EWSR1: variants seen among roughly 807,000 people sequenced by gnomAD.
The protein encoded by EWSR1 is EWS RNA binding protein 1.
EWSR1 carries 14 observed loss-of-function variants against 92.1 expected under a neutral mutation model. The observed-to-expected ratio is 0.15, with a 90% CI of 0.10 to 0.24. The LOEUF (loss-of-function observed/expected upper bound fraction) is 0.24. Among genes scored for constraint, EWSR1 ranks in the 10% least tolerant of loss-of-function variants. EWSR1 has a pLI of 1.00. For synonymous variants in EWSR1, 303 were observed against 292.9 expected (o/e 1.03, Z -0.35); for missense variants, 637 against 870.9 (o/e 0.73, Z 3.38).
At chr22:29,268,638 C>A (rs948573896) in intron 1 of EWSR1, among the ~76,000 whole-genome samples, 1 of 152,164 alleles carries the variant, frequency 6.6e-6, no homozygotes, top group African/African-American at 2.4e-5. Context: ...GCCCTGAGCT[C>A]CGGGCCTCCC....
chr22:29,272,241 A>C lies in EWSR1; in HGVS notation c.39A>C (p.Ala13=). The C allele has an allele frequency of 6.2e-7, 1 of 1,614,114 alleles. No individual in the cohort carries two copies. The highest frequency in any genetic ancestry group is 1.1e-5 in the South Asian group (1 of 91,086). Residue 13 remains alanine, a synonymous_variant, in exon 2 of 17, where the codon GCA becomes GCC. Transcript: ENST00000397938. ...STDYSTYSQA[A]AQQGYSAYTA... ...ATTACAGTACCTATAGCCAAGCTGC[A>C]GCGCAGCAGGGGTAAGTCAGTCTTT...
At chr22:29,285,048 A>G (rs1447276120) in intron 6 of EWSR1, among the ~76,000 whole-genome samples, 1 of 148,342 alleles carries the variant, frequency 6.7e-6, no homozygotes, top group East Asian at 2.0e-4. Flanking sequence ...CGAACCCCTG[A>G]CCTCAGGTGA....
At chr22:29,271,822 T>C (rs2058702905) in intron 1 of EWSR1, among the ~76,000 whole-genome samples, 3 of 152,232 alleles carry the variant, frequency 2.0e-5, no homozygotes, top group African/African-American at 4.8e-5. Context: ...CTTTGTATTA[T>C]TGTTGCATGC....
At chr22:29,295,142 T>G (rs2060752938) in intron 11 of EWSR1, among the ~76,000 whole-genome samples, 2 of 151,318 alleles carry the variant, frequency 1.3e-5, no homozygotes, top group Admixed American at 6.6e-5. Flanking sequence ...TTCAGCTCAC[T>G]GCAACCTCCG....
At position 29,278,113 on chromosome 22, in the gene EWSR1, A is replaced by T. The variant is rs1296818020; in HGVS notation, c.310A>T (p.Thr104Ser). The T allele has an allele frequency of 1.2e-6, 2 of 1,614,048 alleles. No individual in the cohort carries two copies. The highest frequency in any genetic ancestry group is 1.3e-5 in the African/African-American group (1 of 74,914). ...GTGAYDTTTA[T>S]VTTTQASYAA... ...TGGTGCTTATGATACCACCACTGCT[A>T]CAGTCACCACCACCCAGGCCTCCTA... The change falls in exon 5 of 17, where the codon ACA becomes TCA. Residue 104 changes from threonine (T) to serine (S), a missense_variant. Thr to Ser is a moderately conservative substitution (Grantham distance 58). Around this residue, in one of 5 missense-constraint regions of EWSR1, gnomAD observed 144 missense variants for 189.0 expected, o/e 0.76. Coordinates refer to ENST00000397938, the MANE Select transcript of EWSR1 (RefSeq NM_005243.4).
chr22:29,268,490 G>A, intron 1 of EWSR1, 141 bp downstream of exon 1: 2 of 1,493,004 alleles, frequency 1.3e-6, no homozygotes, highest in South Asian at 1.1e-5. Context: ...CGACGAGCTC[G>A]GGGATCCGCA....
At chr22:29,279,392 A>G (rs1210096096) in intron 5 of EWSR1, among the ~76,000 whole-genome samples, 1 of 152,238 alleles carries the variant, frequency 6.6e-6, no homozygotes, top group Non-Finnish European at 1.5e-5. Flanking sequence ...CGGCTTAAGC[A>G]ATTGACATGA....
At chr22:29,298,105 G>C (rs894422604) in intron 13 of EWSR1, among the ~76,000 whole-genome samples, 156 bp downstream of exon 13, 1 of 152,198 alleles carries the variant, frequency 6.6e-6, no homozygotes, top group African/African-American at 2.4e-5. Context: ...GGGAATAAAA[G>C]GAAGAGAAGA....
At chr22:29,285,958 C>G (rs2059991183) in intron 6 of EWSR1, among the ~76,000 whole-genome samples, 1 of 152,164 alleles carries the variant, frequency 6.6e-6, no homozygotes, top group Admixed American at 6.5e-5. Context: ...CTGCCTCAGC[C>G]TCCCCAGTAG....
At chr22:29,282,848 C>T (rs558097318) in intron 6 of EWSR1, among the ~76,000 whole-genome samples, 8 of 151,448 alleles carry the variant, frequency 5.3e-5, no homozygotes, top group African/African-American at 1.9e-4. Context: ...CTGCAAGCTC[C>T]ACCTCCTGGG....
At chr22:29,292,061 C>A in intron 9 of EWSR1, 76 bp from the exon 10 acceptor site, 1 of 1,250,132 alleles carries the variant, frequency 8.0e-7, no homozygotes, top group Non-Finnish European at 1.2e-6. Flanking sequence ...TAGTAGATAG[C>A]TATGTGTGTT....
rs530274391 is a variant in EWSR1, at chr22:29,298,158, G to A, written c.1417+209G>A. 6.3e-4 allele frequency among the ~76,000 whole-genome samples: 96 copies of A among 152,328 alleles called. 1 individual carries two copies. Among genetic ancestry groups the A allele is most frequent in the African/African-American group, 2.1e-3 (88 of 41,574 alleles). On this transcript the variant is annotated intron_variant, in intron 13 of 16. Coordinates refer to ENST00000397938, the MANE Select transcript of EWSR1 (RefSeq NM_005243.4). ...CCACTCTGCCTGTCAACTCCAGACT[G>A]CCATTTATTCAGCTTTGGTTGTGTC...
At chr22:29,291,433 AGAT>A in intron 8 of EWSR1, 126 bp from the exon 9 acceptor site, 1 of 824,728 alleles carries the variant, frequency 1.2e-6, no homozygotes, top group Non-Finnish European at 1.9e-6. Flanking sequence ...CATAGTGACA[AGAT>A]GAGAGAGATG....
rs1253588526 is a variant in EWSR1 at position 29,285,130 on chromosome 22, T to TTG, written c.582-1792_582-1791insGT. 2.7e-3 allele frequency among the ~76,000 whole-genome samples: 392 copies of TTG among 146,956 alleles called. 29 individuals carry two copies. Among genetic ancestry groups the TTG allele is most frequent in the African/African-American group, 9.8e-3 (374 of 38,066 alleles). On this transcript the variant is annotated intron_variant, in intron 6 of 16. Transcript: ENST00000397938. ...CACTGCTTCTGGCCCTTGTTTTTTTTTTTTTTTTTTTGAGATGGAGTTTTG... is the reference window on the plus strand; with the variant it reads ...CACTGCTTCTGGCCCTTGTTTTTTTTTGTTTTTTTTTTTGAGATGGAGTTTTG...
chr22:29,269,134 A>C (rs2058425264), intron 1 of EWSR1: 1 of 152,218 alleles, frequency 6.6e-6, no homozygotes, highest in Non-Finnish European at 1.5e-5. Flanking sequence ...TTGTATAATA[A>C]GGCCAGCCTG....
intron 1 of EWSR1, among the ~76,000 whole-genome samples, chr22:29,271,076 C>T (rs1330965021): frequency 6.6e-6 from 1 of 152,152 alleles, no homozygotes; most frequent in Non-Finnish European, 1.5e-5. Context: ...GTGAGGCTGG[C>T]TTTGGATTCC....
At chr22:29,272,887 A>G (rs2058796320) in intron 3 of EWSR1, among the ~76,000 whole-genome samples, 1 of 152,216 alleles carries the variant, frequency 6.6e-6, no homozygotes, top group Non-Finnish European at 1.5e-5. Context: ...AGCTCTTTCC[A>G]GTGAAGAGTC....
intron 8 of EWSR1, chr22:29,290,380 T>C (rs1030224199): frequency 2.5e-6 from 4 of 1,585,406 alleles, no homozygotes; most frequent in Admixed American, 3.7e-5. Context: ...GTGGAAACTT[T>C]TTAACATGCT....
At chr22:29,281,125 T>C (rs1293142448) in intron 5 of EWSR1, among the ~76,000 whole-genome samples, 1 of 151,990 alleles carries the variant, frequency 6.6e-6, no homozygotes, top group Admixed American at 6.6e-5. Context: ...GTGATCCTCC[T>C]GTCTCAGCCT....
Sources: allele counts gnomAD v4.1 joint callset (sites outside exome capture counted in the v4.1 genomes callset), GRCh38; gene constraint gnomAD v4.1.1; regional missense constraint gnomAD v4.1.1; transcripts MANE v1.5; gene names NCBI Gene and HGNC (gene_info 2026-07-23, HGNC 2026-07-21).